RIN2: variants seen among roughly 807,000 people sequenced by gnomAD.
RIN2 encodes the protein RAB5 interacting protein 2.
RIN2 carries 36 observed loss-of-function variants against 78.0 expected under a neutral mutation model. The ratio of observed to expected loss-of-function variants is 0.46; its 90% CI spans 0.35 to 0.61. RIN2 has a LOEUF of 0.61. RIN2 is among the 20% of genes least tolerant of loss of function. The pLI is 0.00. For missense variants in RIN2, 1,087 were observed against 1,159.7 expected (o/e 0.94, Z 0.91); for synonymous variants, 466 against 466.8 (o/e 1.00, Z 0.02).
At chr20:19,896,199 G>GT (rs1057374935) in intron 3 of RIN2, among the ~76,000 whole-genome samples, 38 of 151,838 alleles carry the variant, frequency 2.5e-4, no homozygotes, top group African/African-American at 8.9e-4. Flanking sequence ...TTATTTTTAT[G>GT]TTTTTTTGAG....
chr20:19,875,008 G>A (rs948726133), intron 2 of RIN2, among the ~76,000 whole-genome samples: 4 of 150,836 alleles, frequency 2.7e-5, no homozygotes, highest in Non-Finnish European at 5.9e-5. Context: ...TTACAGGTGG[G>A]TGCCACCATA....
intron 2 of RIN2, among the ~76,000 whole-genome samples, chr20:19,883,799 A>G (rs1047545887): frequency 2.0e-5 from 3 of 151,538 alleles, no homozygotes; most frequent in Non-Finnish European, 4.4e-5. Flanking sequence ...GAAAGAAGGG[A>G]TGGACTTCCA....
intron 9 of RIN2, among the ~76,000 whole-genome samples, chr20:19,982,557 C>T (rs1244913093): frequency 6.6e-6 from 1 of 152,168 alleles, no homozygotes; most frequent in Admixed American, 6.5e-5. Flanking sequence ...AGGGCTCAGG[C>T]AGGTTTGAAG....
chr20:19,888,745 C>T (rs2038310520), intron 2 of RIN2, among the ~76,000 whole-genome samples: 1 of 152,216 alleles, frequency 6.6e-6, no homozygotes, highest in Admixed American at 6.5e-5. Context: ...CCCCAGGCCC[C>T]CCTCAATGCG....
chr20:19,878,312 T>C (rs1172247922), intron 2 of RIN2, among the ~76,000 whole-genome samples: 1 of 152,048 alleles, frequency 6.6e-6, no homozygotes, highest in Non-Finnish European at 1.5e-5. Flanking sequence ...CCTGGGCCCA[T>C]GGGCTGACTC....
intron 12 of RIN2, among the ~76,000 whole-genome samples, chr20:19,999,770 C>T (rs554195285): frequency 6.6e-6 from 1 of 152,178 alleles, no homozygotes; most frequent in Admixed American, 6.5e-5. Flanking sequence ...GCACCTGAGC[C>T]TGCAAACGTC....
chr20:19,978,762 G>A (rs1248212229), intron 9 of RIN2, among the ~76,000 whole-genome samples: 1 of 152,164 alleles, frequency 6.6e-6, no homozygotes, highest in Non-Finnish European at 1.5e-5. Flanking sequence ...TTCATTCCAG[G>A]CCACATACTG....
At chr20:19,792,892 A>G (rs1387892536) in intron 1 of RIN2, among the ~76,000 whole-genome samples, 1 of 152,042 alleles carries the variant, frequency 6.6e-6, no homozygotes, top group Non-Finnish European at 1.5e-5. Context: ...GCAGGATGGT[A>G]ACAGGAGATG....
intron 3 of RIN2, among the ~76,000 whole-genome samples, chr20:19,920,016 C>T (rs895830043): frequency 6.6e-6 from 1 of 152,190 alleles, no homozygotes; most frequent in African/African-American, 2.4e-5. Context: ...CATCCCAGGC[C>T]GGGCGCAGTG....
intron 4 of RIN2, among the ~76,000 whole-genome samples, chr20:19,944,022 T>A (rs1398701619): frequency 8.1e-5 from 12 of 147,916 alleles, no homozygotes; most frequent in Admixed American, 2.1e-4. Flanking sequence ...TAGACTCAAG[T>A]TCTGAACTTC....
chr20:19,917,310 T>G lies in RIN2; in HGVS notation c.58-17789T>G, dbSNP rs150293492. On this transcript the variant is annotated intron_variant, in intron 3 of 12. Transcript: ENST00000255006. Reference sequence around the variant, plus strand: ...TGTTGCCAGCCTTCCATATGGCAAATGTAAGCACCTGTCCAGAGTACTAAA... The same window carrying G: ...TGTTGCCAGCCTTCCATATGGCAAAGGTAAGCACCTGTCCAGAGTACTAAA... 4.9e-3 allele frequency among the ~76,000 whole-genome samples: 747 copies of G among 152,274 alleles called. 7 individuals are homozygous for G. The highest frequency in any genetic ancestry group is 4.7e-3 in the Non-Finnish European group (317 of 68,016).
intron 9 of RIN2, among the ~76,000 whole-genome samples, chr20:19,978,362 C>T (rs1004447363): frequency 1.3e-5 from 2 of 152,156 alleles, no homozygotes; most frequent in South Asian, 2.1e-4. Flanking sequence ...AATGCATGCA[C>T]ATGTATCCCT....
At chr20:19,772,276 A>C (rs1458116510) in intron 1 of RIN2, among the ~76,000 whole-genome samples, 10 of 151,704 alleles carry the variant, frequency 6.6e-5, no homozygotes, top group Non-Finnish European at 1.2e-4. Flanking sequence ...TTTACAAAGA[A>C]CTCTTTACGA....
At chr20:19,759,628 G>A (rs2033550440) in intron 1 of RIN2, among the ~76,000 whole-genome samples, 1 of 152,102 alleles carries the variant, frequency 6.6e-6, no homozygotes, top group Non-Finnish European at 1.5e-5. Flanking sequence ...ACTTAGGGAG[G>A]CCAAGGCAGG....
At position 19,895,658 on chromosome 20, in the gene RIN2, G is replaced by A. The variant is rs1232963480; in HGVS notation, c.57+6000G>A. On this transcript the variant is annotated intron_variant, in intron 3 of 12. Coordinates refer to ENST00000255006, the MANE Select transcript of RIN2 (RefSeq NM_018993.4). ...TTCAAAGGCCCAGCCCAGCAGCAGA[G>A]GCCCAACTTGAGAGGCCCTCTTTGG... 2.6e-5 allele frequency: 4 copies of A among 152,210 alleles called. No homozygotes were observed. The East Asian group carries it at 7.7e-4, about 29-fold the overall frequency. The allele number at this position is 152,210 out of a possible 1,614,324, so 9.4% of individuals were successfully genotyped here. A position where few individuals can be genotyped will look rare whatever the true frequency, so the allele number is the denominator to read the frequency against.
chr20:19,977,246 G>A (rs769627550), intron 9 of RIN2, among the ~76,000 whole-genome samples: 12 of 152,250 alleles, frequency 7.9e-5, no homozygotes, highest in African/African-American at 1.7e-4. Context: ...TGTGGCCAGC[G>A]GCGCCAACCA....
At chr20:19,825,063 G>A (rs114071972) in intron 2 of RIN2, among the ~76,000 whole-genome samples, 57 of 152,278 alleles carry the variant, frequency 3.7e-4, no homozygotes, top group African/African-American at 1.3e-3. Context: ...GGATAACTGT[G>A]GGGTATGAGT....
At chr20:19,986,695 C>G (rs1441438028) in intron 9 of RIN2, among the ~76,000 whole-genome samples, 1 of 152,232 alleles carries the variant, frequency 6.6e-6, no homozygotes, top group African/African-American at 2.4e-5. Flanking sequence ...TATTAACACT[C>G]TGGCCCAGAG....
At chr20:19,828,547 T>C (rs753635364) in intron 2 of RIN2, among the ~76,000 whole-genome samples, 4 of 152,198 alleles carry the variant, frequency 2.6e-5, no homozygotes, top group Non-Finnish European at 5.9e-5. Flanking sequence ...GGCTGTGGCA[T>C]CCTGTCATCA....
Sources: gnomAD v4.1 joint callset for allele counts (sites outside exome capture counted in the v4.1 genomes callset) on GRCh38, gnomAD v4.1.1 for gene constraint, MANE v1.5 for transcripts, NCBI Gene and HGNC (gene_info 2026-07-23, HGNC 2026-07-21) for gene names.